PIP5K1B: variants seen among roughly 807,000 people sequenced by gnomAD.
PIP5K1B encodes the protein phosphatidylinositol 4-phosphate 5-kinase type-1 beta.
PIP5K1B carries 42 observed loss-of-function variants against 67.0 expected under a neutral mutation model. That is an observed-to-expected ratio of 0.63 (90% CI 0.49 to 0.81). The LOEUF (loss-of-function observed/expected upper bound fraction) is 0.81. PIP5K1B is among the 30% of genes least tolerant of loss of function. The pLI, the probability that PIP5K1B is intolerant of heterozygous loss-of-function variation, is 0.00. For missense variants in PIP5K1B, 459 were observed against 646.3 expected, an observed-to-expected ratio of 0.71 and a Z score of 3.14; for synonymous variants, 214 against 231.4, an observed-to-expected ratio of 0.92 and a Z score of 0.68.
intron 14 of PIP5K1B, among the ~76,000 whole-genome samples, chr9:68,945,580 C>T (rs550143308): frequency 1.4e-4 from 21 of 152,212 alleles, no homozygotes; most frequent in Non-Finnish European, 2.8e-4. Context: ...CAATAATAAT[C>T]GAATACAATA....
chr9:68,723,699 T>TG (rs1828007734), intron 1 of PIP5K1B, among the ~76,000 whole-genome samples: 1 of 143,100 alleles, frequency 7.0e-6, no homozygotes, highest in Non-Finnish European at 1.5e-5. Flanking sequence ...TATTTGGTTT[T>TG]TTTTTTTTTT....
intron 1 of PIP5K1B, among the ~76,000 whole-genome samples, chr9:68,707,157 G>C (rs529940275): frequency 9.9e-5 from 15 of 152,178 alleles, no homozygotes; most frequent in Middle Eastern, 3.2e-3. Flanking sequence ...AGAGACTTAT[G>C]AGGACTGATG....
chr9:68,722,510 C>T (rs182989735), intron 1 of PIP5K1B, among the ~76,000 whole-genome samples: 67 of 152,198 alleles, frequency 4.4e-4, no homozygotes, highest in African/African-American at 1.0e-3. Context: ...CCACCGCACC[C>T]GGCCCTTAAC....
At chr9:68,976,425 G>A (rs1829633282) in intron 14 of PIP5K1B, among the ~76,000 whole-genome samples, 1 of 152,154 alleles carries the variant, frequency 6.6e-6, no homozygotes, top group East Asian at 1.9e-4. Context: ...GTGGAGTACA[G>A]GAAAATTCAA....
intron 8 of PIP5K1B, among the ~76,000 whole-genome samples, chr9:68,901,966 A>C (rs981151059): frequency 6.6e-6 from 1 of 152,200 alleles, no homozygotes; most frequent in Non-Finnish European, 1.5e-5. Flanking sequence ...ATGCCGTTGG[A>C]AGCAATAACA....
chr9:68,797,505 TTTTTCCATATTTCTCAG>T (rs1264723900), intron 2 of PIP5K1B, among the ~76,000 whole-genome samples: 1 of 152,246 alleles, frequency 6.6e-6, no homozygotes, highest in African/African-American at 2.4e-5. Context: ...ATTGTTTTTA[TTTTTCCATATTTCTCAG>T]TTTTTTAAAA....
At chr9:68,770,876 G>A (rs1036534950) in intron 2 of PIP5K1B, among the ~76,000 whole-genome samples, 1 of 152,054 alleles carries the variant, frequency 6.6e-6, no homozygotes, top group Admixed American at 6.5e-5. Flanking sequence ...TGCATTTGAA[G>A]AATCTGTGGA....
At chr9:68,723,199 G>GGA (rs982712270) in intron 1 of PIP5K1B, among the ~76,000 whole-genome samples, 1 of 32,604 alleles carries the variant, frequency 3.1e-5, no homozygotes, top group African/African-American at 1.3e-4. Context: ...AGAGAGAGAG[G>GGA]GAGAGAGAGA....
At chr9:68,820,654 G>A (rs991708652) in intron 3 of PIP5K1B, among the ~76,000 whole-genome samples, 10 of 152,300 alleles carry the variant, frequency 6.6e-5, no homozygotes, top group Admixed American at 2.0e-4. Context: ...CTTCAAAAGC[G>A]TAAAAGAAAG....
chr9:68,817,675 A>G (rs2132051870), intron 2 of PIP5K1B, among the ~76,000 whole-genome samples: 1 of 143,154 alleles, frequency 7.0e-6, no homozygotes, highest in African/African-American at 2.6e-5. Context: ...GACTGTTTAT[A>G]TTGGCTATCG....
intron 6 of PIP5K1B, among the ~76,000 whole-genome samples, chr9:68,883,124 CT>C (rs1824281843): frequency 6.6e-6 from 1 of 152,156 alleles, no homozygotes; most frequent in South Asian, 2.1e-4. Context: ...ATATTATTAC[CT>C]TTATTTTAGA....
At chr9:68,814,227 G>A (rs897614826) in intron 2 of PIP5K1B, among the ~76,000 whole-genome samples, 8 of 152,078 alleles carry the variant, frequency 5.3e-5, no homozygotes, top group Non-Finnish European at 8.8e-5. Flanking sequence ...ACAGCAAGCC[G>A]AGCGAAAAAA....
chr9:68,839,543 G>A (rs1156610988), intron 4 of PIP5K1B, among the ~76,000 whole-genome samples: 1 of 152,092 alleles, frequency 6.6e-6, no homozygotes, highest in African/African-American at 2.4e-5. Context: ...GACTCTATAG[G>A]TTTAGGAAGA....
intron 2 of PIP5K1B, among the ~76,000 whole-genome samples, chr9:68,777,549 T>C (rs1830979298): frequency 6.6e-6 from 1 of 152,234 alleles, no homozygotes; most frequent in East Asian, 1.9e-4. Flanking sequence ...AAGCACTGAA[T>C]CATACATGAC....
At chr9:68,759,385 T>C (rs1248428967) in intron 2 of PIP5K1B, among the ~76,000 whole-genome samples, 1 of 152,102 alleles carries the variant, frequency 6.6e-6, no homozygotes, top group Non-Finnish European at 1.5e-5. Flanking sequence ...TTAAGTAGAC[T>C]GTTAAAAATT....
chr9:68,763,708 T>G (rs1830293845), intron 2 of PIP5K1B, among the ~76,000 whole-genome samples: 1 of 152,172 alleles, frequency 6.6e-6, no homozygotes, highest in African/African-American at 2.4e-5. Context: ...TGAAATCATT[T>G]AGAGAGACTG....
At chr9:68,815,402 A>C (rs1264581433) in intron 2 of PIP5K1B, among the ~76,000 whole-genome samples, 2 of 152,082 alleles carry the variant, frequency 1.3e-5, no homozygotes, top group African/African-American at 2.4e-5. Context: ...AAAGGAGAGA[A>C]TCTGACTAAT....
chr9:68,901,300 C>T (rs1374946537), intron 8 of PIP5K1B, among the ~76,000 whole-genome samples: 2 of 152,320 alleles, frequency 1.3e-5, no homozygotes, highest in East Asian at 3.9e-4. Flanking sequence ...CACTCTGCTG[C>T]CCAGGCTATA....
intron 2 of PIP5K1B, chr9:68,782,595 G>T (rs1188323863): frequency 6.0e-6 from 1 of 167,060 alleles, no homozygotes; most frequent in African/African-American, 2.4e-5. Context: ...TTACAACTAT[G>T]AGAGTAAATG....
Sources: allele counts gnomAD v4.1 joint callset (sites outside exome capture counted in the v4.1 genomes callset), GRCh38; gene constraint gnomAD v4.1.1; transcripts MANE v1.5; gene names NCBI Gene and HGNC (gene_info 2026-07-23, HGNC 2026-07-21).